LZTFL1: variants seen among roughly 807,000 people sequenced by gnomAD.
LZTFL1 encodes leucine zipper transcription factor like 1, also known as leucine zipper transcription factor-like protein 1.
LZTFL1 carries 25 observed loss-of-function variants against 45.9 expected under a neutral mutation model. The observed-to-expected ratio is 0.54, with a 90% CI of 0.40 to 0.76. The LOEUF (loss-of-function observed/expected upper bound fraction) is 0.76. Among genes scored for constraint, LZTFL1 ranks in the 30% least tolerant of loss-of-function variants. The pLI, the probability that LZTFL1 is intolerant of heterozygous loss-of-function variation, is 0.00. For synonymous variants in LZTFL1, 93 were observed against 117.4 expected (o/e 0.79, Z 1.35); for missense variants, 277 against 331.1 (o/e 0.84, Z 1.27).
At chr3:45,914,602 A>G (rs955794052) in intron 1 of LZTFL1, among the ~76,000 whole-genome samples, 1 of 152,172 alleles carries the variant, frequency 6.6e-6, no homozygotes, top group African/African-American at 2.4e-5. Context: ...GCCTTCAGGT[A>G]ACTAAAGCAA....
chr3:45,829,595 C>A (rs1351769153), intron 7 of LZTFL1, among the ~76,000 whole-genome samples: 3 of 140,918 alleles, frequency 2.1e-5, no homozygotes, highest in Non-Finnish European at 3.0e-5. Flanking sequence ...CAGAATAAGG[C>A]CCTGTCTCAA....
At chr3:45,853,950 T>C (rs141741380) in intron 4 of LZTFL1, among the ~76,000 whole-genome samples, 35 of 152,298 alleles carry the variant, frequency 2.3e-4, no homozygotes, top group African/African-American at 7.9e-4. Flanking sequence ...TTGGCTTTCT[T>C]CTCCTCCTCC....
At chr3:45,898,472 C>T (rs553135638) in intron 2 of LZTFL1, among the ~76,000 whole-genome samples, 8 of 152,202 alleles carry the variant, frequency 5.3e-5, no homozygotes, top group Non-Finnish European at 1.0e-4. Flanking sequence ...AATAGGGAGA[C>T]GAGTTTTCTT....
chr3:45,862,248 T>C (rs1411302586), intron 2 of LZTFL1, among the ~76,000 whole-genome samples: 2 of 152,210 alleles, frequency 1.3e-5, no homozygotes, highest in Non-Finnish European at 2.9e-5. Context: ...AAATTAATTG[T>C]AGCCTCTGGA....
At chr3:45,885,233 A>G (rs1373120086) in intron 2 of LZTFL1, among the ~76,000 whole-genome samples, 1 of 152,204 alleles carries the variant, frequency 6.6e-6, no homozygotes, top group Non-Finnish European at 1.5e-5. Context: ...AGAGGTGGAA[A>G]TTAACATCCA....
At chr3:45,894,913 C>A (rs1702304870) in intron 2 of LZTFL1, 1 of 1,613,644 alleles carries the variant, frequency 6.2e-7, no homozygotes, top group Non-Finnish European at 8.5e-7. Context: ...CAGGAGCAGG[C>A]TTGCATCTGA....
At chr3:45,839,912 G>A (rs967147977) in intron 1 of LZTFL1, among the ~76,000 whole-genome samples, 5 of 152,204 alleles carry the variant, frequency 3.3e-5, no homozygotes, top group South Asian at 2.1e-4. Flanking sequence ...AACTCTATAG[G>A]TATGCCTTCC....
Position 45,827,999 on chromosome 3 carries a change from G to A in LZTFL1, c.777+440C>T, listed in dbSNP as rs568163705. On this transcript the variant is annotated intron_variant, in intron 8 of 9. Transcript: ENST00000296135. ...ATTACAGGCACAAGCCACTGCACCC[G>A]GCCTCAACTCCCATATTCTTAAGAG... Among the ~76,000 whole-genome samples the A allele has an allele frequency of 1.2e-3, 187 of 152,048 alleles. 3 individuals carry two copies. Among genetic ancestry groups the A allele is most frequent in the South Asian group, 0.01 (50 of 4,802 alleles).
At chr3:45,831,636 CAAAT>C (rs1259707491) in intron 5 of LZTFL1, among the ~76,000 whole-genome samples, 4 of 152,162 alleles carry the variant, frequency 2.6e-5, no homozygotes, top group Non-Finnish European at 5.9e-5. Context: ...TCAGTAGACT[CAAAT>C]AAACACATCA....
rs151040374 is a variant in LZTFL1, at chr3:45,889,886, A to G, written c.-215+23234T>C. Among the ~76,000 whole-genome samples, 18 of 151,842 alleles carry G rather than the reference A, an allele frequency of 1.2e-4. No homozygotes were observed. The East Asian group carries it at 2.9e-3, about 25-fold the overall frequency. ...TTTCCAATTTTTGTTCTGCTCCAAC[A>G]TATATCCCTATACCTGGACCCTTGT... On this transcript the variant is annotated intron_variant, in intron 2 of 4. Coordinates refer to the LZTFL1 transcript ENST00000472635.
intron 4 of LZTFL1, among the ~76,000 whole-genome samples, chr3:45,850,385 C>A (rs1214856179): frequency 6.6e-6 from 1 of 152,204 alleles, no homozygotes; most frequent in Non-Finnish European, 1.5e-5. Flanking sequence ...AGTCTCCCCA[C>A]TCCCTGCAGA....
rs1700630004 is a variant in LZTFL1, at chr3:45,825,041, GC to G, written c.*1272del. ...TGTTCCTTCACTATTTTAACAAAAA[GC>G]CTATAAGAAAAATAATAAATTCAAG... On this transcript the variant is annotated 3_prime_UTR_variant, in exon 10 of 10. Coordinates refer to ENST00000296135, the MANE Select transcript of LZTFL1 (RefSeq NM_020347.4). 2.5e-6 allele frequency: 1 copy of G among 395,786 alleles called. No homozygotes were observed. Among genetic ancestry groups the G allele is most frequent in the African/African-American group, 2.1e-5 (1 of 48,656 alleles). The allele number at this position is 395,786 out of a possible 1,614,324, so 24.5% of individuals were successfully genotyped here.
intron 4 of LZTFL1, among the ~76,000 whole-genome samples, chr3:45,853,461 G>A (rs1701338287): frequency 1.3e-5 from 2 of 152,174 alleles, no homozygotes; most frequent in Admixed American, 6.5e-5. Context: ...CACAGATATA[G>A]AGAGCAAAAT....
At chr3:45,869,248 T>G (rs1225603848) in intron 2 of LZTFL1, among the ~76,000 whole-genome samples, 3 of 152,124 alleles carry the variant, frequency 2.0e-5, no homozygotes, top group Non-Finnish European at 4.4e-5. Flanking sequence ...GTGCAAGGAG[T>G]GCATGGGCAA....
intron 2 of LZTFL1, among the ~76,000 whole-genome samples, chr3:45,869,636 G>C (rs753530072): frequency 2.0e-5 from 3 of 152,204 alleles, no homozygotes; most frequent in Non-Finnish European, 4.4e-5. Context: ...CCCCTCCTTT[G>C]TGGAAGGTGC....
chr3:45,833,021 C>T (rs1387313934), intron 5 of LZTFL1, 29 bp downstream of exon 5: 1 of 1,540,046 alleles, frequency 6.5e-7, no homozygotes, highest in Admixed American at 1.7e-5. Flanking sequence ...GAATGAGAGA[C>T]TTTCCGTTTC....
intron 2 of LZTFL1, among the ~76,000 whole-genome samples, chr3:45,912,714 T>A (rs1702819940): frequency 6.6e-6 from 1 of 152,080 alleles, no homozygotes; most frequent in Non-Finnish European, 1.5e-5. Context: ...CAGCCAACCC[T>A]CAGACATGTG....
At chr3:45,833,707 A>C (rs1700892956) in intron 4 of LZTFL1, among the ~76,000 whole-genome samples, 1 of 152,270 alleles carries the variant, frequency 6.6e-6, no homozygotes, top group African/African-American at 2.4e-5. Flanking sequence ...GTGTATGTAC[A>C]TAGATTCATC....
chr3:45,910,188 G>A (rs1702765726), intron 2 of LZTFL1, among the ~76,000 whole-genome samples: 1 of 152,172 alleles, frequency 6.6e-6, no homozygotes, highest in South Asian at 2.1e-4. Flanking sequence ...GTTAGGGGTG[G>A]TGCAAGGAAG....
Sources: gnomAD v4.1 joint callset for allele counts (sites outside exome capture counted in the v4.1 genomes callset) on GRCh38, gnomAD v4.1.1 for gene constraint, MANE v1.5 for transcripts, NCBI Gene and HGNC (gene_info 2026-07-23, HGNC 2026-07-21) for gene names.